The following PLCB1 variants were observed in gnomAD, a reference collection of about 807,000 sequenced individuals.
PLCB1 encodes 1-phosphatidylinositol 4,5-bisphosphate phosphodiesterase beta-1.
Under a neutral mutation model 161.8 loss-of-function variants are expected in PLCB1, and 46 were observed. The ratio of observed to expected loss-of-function variants is 0.28; its 90% CI spans 0.22 to 0.36. The LOEUF (loss-of-function observed/expected upper bound fraction) is 0.36, where lower values mean the gene tolerates loss of function less well. PLCB1 is among the 10% of genes least tolerant of loss of function. The pLI is 1.00. For synonymous variants in PLCB1, 517 were observed against 503.7 expected (o/e 1.03, Z -0.35); for missense variants, 1,016 against 1,472.5 (o/e 0.69, Z 5.07).
intron 2 of PLCB1, among the ~76,000 whole-genome samples, chr20:8,340,152 C>T (rs1056416294): frequency 2.0e-5 from 3 of 152,124 alleles, no homozygotes; most frequent in Non-Finnish European, 4.4e-5. Flanking sequence ...AGTGAAATAC[C>T]CTCCTGGGAA....
At chr20:8,494,290 C>T (rs1453134392) in intron 3 of PLCB1, among the ~76,000 whole-genome samples, 1 of 152,018 alleles carries the variant, frequency 6.6e-6, no homozygotes, top group East Asian at 1.9e-4. Flanking sequence ...TTCTCTAGAT[C>T]TTTTTATAGA....
chr20:8,545,730 T>C (rs1985513518), intron 3 of PLCB1, among the ~76,000 whole-genome samples: 1 of 152,126 alleles, frequency 6.6e-6, no homozygotes, highest in South Asian at 2.1e-4. Flanking sequence ...AAAGAGTGCA[T>C]GGGTGAAAGA....
At chr20:8,241,822 C>T (rs892401663) in intron 2 of PLCB1, among the ~76,000 whole-genome samples, 9 of 151,928 alleles carry the variant, frequency 5.9e-5, no homozygotes, top group African/African-American at 2.2e-4. Context: ...TTGGAAGAAG[C>T]AGAGTTGGAG....
rs142352931 is a variant in PLCB1, at chr20:8,745,211, A to C, written c.2523+3638A>C. ...CCTTAACATGTAATGCTAGGAAAGA[A>C]AAGTCATTTCACACTTTGAGCATCA... On this transcript the variant is annotated intron_variant, in intron 23 of 31. Transcript: ENST00000338037. Among the ~76,000 whole-genome samples the C allele has an allele frequency of 2.2e-3, 334 of 152,344 alleles. 1 individual carries two copies. The highest frequency in any genetic ancestry group is 3.9e-3 in the Non-Finnish European group (263 of 68,024).
intron 31 of PLCB1, among the ~76,000 whole-genome samples, chr20:8,814,307 C>T (rs538456986): frequency 6.6e-6 from 1 of 152,158 alleles, no homozygotes; most frequent in Non-Finnish European, 1.5e-5. Context: ...TTGGAACATT[C>T]TGTCTAAGGA....
chr20:8,730,959 C>T (rs117896641), intron 18 of PLCB1, among the ~76,000 whole-genome samples: 2,194 of 151,780 alleles, frequency 0.014, 29 homozygotes, highest in Non-Finnish European at 0.022. Context: ...GCAGTACATT[C>T]CGTTGGAATT....
At chr20:8,740,037 T>A (rs73895135) in intron 21 of PLCB1, among the ~76,000 whole-genome samples, 48 of 152,210 alleles carry the variant, frequency 3.2e-4, no homozygotes, top group African/African-American at 1.1e-3. Flanking sequence ...AAAAAAGAAG[T>A]CATGTCAAGT....
intron 3 of PLCB1, among the ~76,000 whole-genome samples, chr20:8,446,437 C>T (rs1047490251): frequency 5.3e-5 from 8 of 152,104 alleles, no homozygotes; most frequent in African/African-American, 1.9e-4. Flanking sequence ...TTATGACAAA[C>T]CCACAGCCAA....
chr20:8,871,023 A>C (rs1987590664), intron 31 of PLCB1, among the ~76,000 whole-genome samples: 1 of 152,182 alleles, frequency 6.6e-6, no homozygotes, highest in Non-Finnish European at 1.5e-5. Context: ...GATCTTCTGA[A>C]TCAGAATTTG....
chr20:8,262,500 G>T (rs567106359), intron 2 of PLCB1, among the ~76,000 whole-genome samples: 1 of 152,258 alleles, frequency 6.6e-6, no homozygotes, highest in East Asian at 1.9e-4. Flanking sequence ...TGAAGAAAGA[G>T]AAACAGGGAG....
At chr20:8,830,588 A>G (rs1985934824) in intron 31 of PLCB1, among the ~76,000 whole-genome samples, 2 of 152,234 alleles carry the variant, frequency 1.3e-5, no homozygotes, top group South Asian at 2.1e-4. Flanking sequence ...GATTGGGAAG[A>G]TAAAACAATC....
At chr20:8,223,310 C>G (rs776921680) in intron 2 of PLCB1, among the ~76,000 whole-genome samples, 1 of 152,178 alleles carries the variant, frequency 6.6e-6, no homozygotes, top group Non-Finnish European at 1.5e-5. Flanking sequence ...TAAGATCACT[C>G]TGTCCTGAGT....
chr20:8,775,031 C>A (rs1261639550), intron 27 of PLCB1, among the ~76,000 whole-genome samples: 2 of 146,012 alleles, frequency 1.4e-5, no homozygotes, highest in East Asian at 4.0e-4. Context: ...AAACACTTAT[C>A]TTTGTTTAAG....
intron 31 of PLCB1, among the ~76,000 whole-genome samples, chr20:8,806,344 G>A (rs1451065619): frequency 6.6e-6 from 1 of 152,064 alleles, no homozygotes; most frequent in Non-Finnish European, 1.5e-5. Flanking sequence ...GTTGGGTTAA[G>A]ATAATTTTGA....
chr20:8,231,643 T>G (rs754479877), intron 2 of PLCB1, among the ~76,000 whole-genome samples: 21 of 152,196 alleles, frequency 1.4e-4, no homozygotes, highest in Non-Finnish European at 3.1e-4. Context: ...TTTATTCTGC[T>G]TCTTTGCACG....
intron 1 of PLCB1, among the ~76,000 whole-genome samples, chr20:8,134,020 G>C (rs2051318552): frequency 2.0e-5 from 3 of 152,192 alleles, no homozygotes; most frequent in Admixed American, 2.0e-4. Flanking sequence ...AACGGAACTT[G>C]GAGTATGAAC....
In PLCB1 at chr20:8,627,477, C is replaced by G. The variant is rs545026311; in HGVS notation, c.247-817C>G. Among the ~76,000 whole-genome samples, 15 of 152,294 alleles carry G rather than the reference C, an allele frequency of 9.8e-5. No homozygotes were observed. The South Asian group carries it at 2.5e-3, about 25-fold the overall frequency. On this transcript the variant is annotated intron_variant, in intron 3 of 31. Coordinates refer to ENST00000338037, the MANE Select transcript of PLCB1 (RefSeq NM_015192.4). ...TGTAAGTGTACTCCTGGCTCAGAAGCTGGCCAGCAAATTTGCTAAGTGATT... is the reference window on the plus strand; with the variant it reads ...TGTAAGTGTACTCCTGGCTCAGAAGGTGGCCAGCAAATTTGCTAAGTGATT...
chr20:8,845,494 G>A (rs1022253155), intron 31 of PLCB1, among the ~76,000 whole-genome samples: 49 of 152,156 alleles, frequency 3.2e-4, no homozygotes, highest in African/African-American at 1.1e-3. Flanking sequence ...TAAAAATTCA[G>A]CCCCGCCTTT....
chr20:8,423,729 T>C (rs777693776), intron 3 of PLCB1, among the ~76,000 whole-genome samples: 2 of 152,194 alleles, frequency 1.3e-5, no homozygotes, highest in Non-Finnish European at 2.9e-5. Context: ...CAATTTATAC[T>C]ATGACTGGGA....
Sources: gnomAD v4.1 joint callset for allele counts (sites outside exome capture counted in the v4.1 genomes callset) on GRCh38, gnomAD v4.1.1 for gene constraint, MANE v1.5 for transcripts, NCBI Gene and HGNC (gene_info 2026-07-23, HGNC 2026-07-21) for gene names.